Variants in ANLN observed in about 807,000 individuals in gnomAD.
ANLN encodes the protein anillin, actin binding protein.
In ANLN, 59 loss-of-function variants were observed where a neutral mutation model predicts 135.1. That is an observed-to-expected ratio of 0.44 (90% CI 0.35 to 0.54). The LOEUF (loss-of-function observed/expected upper bound fraction) is 0.54, where lower values mean the gene tolerates loss of function less well. Among genes scored for constraint, ANLN ranks in the 20% least tolerant of loss-of-function variants. The pLI is 0.00. For synonymous variants in ANLN, 406 were observed against 456.4 expected (o/e 0.89, Z 1.41); for missense variants, 1,182 against 1,340.0 (o/e 0.88, Z 1.84).
chr7:36,395,467 T>A (rs1282638329), intron 1 of ANLN, among the ~76,000 whole-genome samples: 1 of 152,202 alleles, frequency 6.6e-6, no homozygotes, highest in Admixed American at 6.5e-5. Flanking sequence ...TTTGTGATTA[T>A]GTTGGGCCTG....
Position 36,411,081 on chromosome 7 carries a change from G to A in ANLN, c.1310G>A (p.Cys437Tyr), listed in dbSNP as rs139130995. Residue 437 changes from cysteine (C) to tyrosine (Y), a missense_variant, in exon 7 of 24, where the codon TGT becomes TAT. Cys to Tyr is a radical substitution (Grantham distance 194). Transcript: ENST00000265748. Reference sequence around the variant, plus strand: ...TAGGAACGTCAAAAAGAACTAGCATGTCTTCGTGGCCGATTTGACAAGGGC... The same window carrying A: ...TAGGAACGTCAAAAAGAACTAGCATATCTTCGTGGCCGATTTGACAAGGGC... ...LKQERQKELACLRGRFDKGNI... is the reference protein window; with the variant it reads ...LKQERQKELAYLRGRFDKGNI... The A allele has an allele frequency of 3.4e-5, 55 of 1,608,338 alleles. No individual in the cohort carries two copies. Among genetic ancestry groups the A allele is most frequent in the Non-Finnish European group, 4.5e-5 (53 of 1,178,880 alleles).
intron 1 of ANLN, among the ~76,000 whole-genome samples, chr7:36,392,726 G>A (rs1786530369): frequency 6.6e-6 from 1 of 151,572 alleles, no homozygotes; most frequent in African/African-American, 2.4e-5. Flanking sequence ...CACAGATTAG[G>A]GATCTTTTTT....
In ANLN at chr7:36,449,760, A is replaced by C; in HGVS notation, c.3174A>C (p.Leu1058Phe). 1 of 1,614,134 alleles carries C rather than the reference A, an allele frequency of 6.2e-7. No homozygotes were observed. The highest frequency in any genetic ancestry group is 8.5e-7 in the Non-Finnish European group (1 of 1,180,000). Residue 1058 changes from leucine to phenylalanine, a missense_variant, in exon 23 of 24, where the codon TTA becomes TTC. Physicochemically the swap from Leu to Phe is conservative, Grantham distance 22. Coordinates refer to ENST00000265748, the MANE Select transcript of ANLN (RefSeq NM_018685.5). The stretch of plus-strand genomic sequence containing the variant: ...GTGCAAGACGCAACACTTTTGAATT[A>C]ATTACTGTCCGACCACAAAGAGAAG... ...EFCARRNTFE[L>F]ITVRPQREDD...
chr7:36,391,605 A>G (rs1786466302), intron 1 of ANLN, among the ~76,000 whole-genome samples: 1 of 152,208 alleles, frequency 6.6e-6, no homozygotes, highest in Non-Finnish European at 1.5e-5. Context: ...GTGCTTAATT[A>G]TAGCATTCAT....
chr7:36,445,796 T>G (rs888486454), intron 22 of ANLN, among the ~76,000 whole-genome samples: 1 of 152,238 alleles, frequency 6.6e-6, no homozygotes, highest in Non-Finnish European at 1.5e-5. Flanking sequence ...TTTTGTCAAA[T>G]GAGTCTCAAA....
At chr7:36,425,099 G>A (rs1191402545) in intron 17 of ANLN, among the ~76,000 whole-genome samples, 1 of 151,610 alleles carries the variant, frequency 6.6e-6, no homozygotes, top group African/African-American at 2.4e-5. Context: ...CAGGCATAAG[G>A]TTGCTTTCCA....
rs1786841218 is a variant in ANLN, at chr7:36,399,316, C to T, written c.410C>T (p.Thr137Ile). The T allele has an allele frequency of 1.2e-6, 2 of 1,614,156 alleles. No homozygotes were observed. Among genetic ancestry groups the T allele is most frequent in the East Asian group, 2.2e-5 (1 of 44,884 alleles). The change falls in exon 3 of 24, where the codon ACT becomes ATT. Residue 137 changes from threonine to isoleucine, a missense_variant. Physicochemically the swap from Thr to Ile is moderately conservative, Grantham distance 89. Around this residue, in one of 3 missense-constraint regions of ANLN, gnomAD observed 1,022 missense variants for 1,134.0 expected, o/e 0.90. Coordinates refer to ENST00000265748, the MANE Select transcript of ANLN (RefSeq NM_018685.5). The stretch of plus-strand genomic sequence containing the variant: ...GGGCTGAACTCAAGATTGGAAGCAA[C>T]TGCAGCCTCCTCAGTTAAAACACGT... ...RRGLNSRLEA[T>I]AASSVKTRMQ...
intron 20 of ANLN, among the ~76,000 whole-genome samples, chr7:36,428,089 T>C (rs1167790664): frequency 6.6e-6 from 1 of 152,226 alleles, no homozygotes; most frequent in Non-Finnish European, 1.5e-5. Context: ...AATATTAGTT[T>C]AGCCTGAAAC....
rs1365771049 is a variant in ANLN at position 36,419,337 on chromosome 7, G to A, written c.1727G>A (p.Gly576Asp). 1.9e-6 allele frequency: 3 copies of A among 1,613,986 alleles called. No homozygotes were observed. Among genetic ancestry groups the A allele is most frequent in the Non-Finnish European group, 1.7e-6 (2 of 1,180,000 alleles). The change falls in exon 10 of 24, where the codon GGT (glycine) becomes GAT (aspartate). Residue 576 changes from glycine (G) to aspartate (D), a missense_variant. This residue lies in a region of ANLN where 1,022 missense variants were observed against 1,134.0 expected (regional missense o/e 0.90). Transcript: ENST00000265748. ...NDLFSDVLEE[G>D]ELDMEKSQEE... ...CTCTTCAGTGATGTCCTAGAGGAAG[G>A]TGAACTAGATATGGAGAAGAGCCAA...
chr7:36,400,446 G>A (rs139069698), intron 3 of ANLN, among the ~76,000 whole-genome samples: 66 of 152,036 alleles, frequency 4.3e-4, no homozygotes, highest in African/African-American at 1.3e-3. Context: ...TGCGACTTCC[G>A]CCTCTCAGGT....
Position 36,420,725 on chromosome 7 carries a change from A to G in ANLN, c.2144A>G (p.Asn715Ser), listed in dbSNP as rs1348312847. Reference protein sequence around the residue: ...EKNNAFPCQVNIKQKMQELNN... With the variant: ...EKNNAFPCQVSIKQKMQELNN... Reference sequence around the variant, plus strand: ...AATAATGCCTTTCCTTGTCAAGTTAATATCAAACAGAAAATGCAGGTATGT... The same window carrying G: ...AATAATGCCTTTCCTTGTCAAGTTAGTATCAAACAGAAAATGCAGGTATGT... Residue 715 changes from asparagine (N) to serine (S), a missense_variant, in exon 12 of 24, where the codon AAT (asparagine) becomes AGT (serine). Asn to Ser is a conservative substitution (Grantham distance 46). Around this residue, in one of 3 missense-constraint regions of ANLN, gnomAD observed 1,022 missense variants for 1,134.0 expected, o/e 0.90. Transcript: ENST00000265748. 3.1e-6 allele frequency: 5 copies of G among 1,613,902 alleles called. No homozygotes were observed. The highest frequency in any genetic ancestry group is 3.4e-6 in the Non-Finnish European group (4 of 1,179,938).
rs562244433 is a variant in ANLN, at chr7:36,410,160, C to T, written c.1097-354C>T. 1.3e-3 allele frequency among the ~76,000 whole-genome samples: 201 copies of T among 152,208 alleles called. 4 individuals carry two copies. The highest frequency in any genetic ancestry group is 0.012 in the South Asian group (60 of 4,824). On this transcript the variant is annotated intron_variant, in intron 5 of 23. Transcript: ENST00000265748. ...GGAAGTTACCATGGCCAGCACACTT[C>T]GTGATGAAGGTAGATTTATTAATAT... is the stretch of plus-strand genomic sequence containing the variant.
intron 20 of ANLN, among the ~76,000 whole-genome samples, chr7:36,435,602 G>A (rs553213392): frequency 5.3e-5 from 8 of 151,954 alleles, no homozygotes; most frequent in South Asian, 4.1e-4. Context: ...GGCCGGGCGC[G>A]GTGGCTCACG....
At chr7:36,452,337 GT>G (rs1789279711) in intron 23 of ANLN, 139 bp from the exon 24 acceptor site, 2 of 1,026,736 alleles carry the variant, frequency 1.9e-6, no homozygotes, top group South Asian at 3.2e-5. Flanking sequence ...CTAAGTGGCT[GT>G]GGATTAGCAT....
At chr7:36,429,829 G>A (rs1031421140) in intron 20 of ANLN, among the ~76,000 whole-genome samples, 1 of 152,052 alleles carries the variant, frequency 6.6e-6, no homozygotes, top group Non-Finnish European at 1.5e-5. Context: ...GAATCAAAAT[G>A]TCACATTTAC....
At chr7:36,439,027 A>T (rs779905312) in intron 20 of ANLN, among the ~76,000 whole-genome samples, 177 bp from the exon 21 acceptor site, 1 of 152,204 alleles carries the variant, frequency 6.6e-6, no homozygotes, top group South Asian at 2.1e-4. Flanking sequence ...TTTATTCTTC[A>T]AAAGTATTTG....
At chr7:36,403,073 C>T (rs908103965) in intron 3 of ANLN, among the ~76,000 whole-genome samples, 5 of 152,126 alleles carry the variant, frequency 3.3e-5, no homozygotes, top group African/African-American at 1.2e-4. Context: ...GCCGAGATCG[C>T]GCCATTACAT....
intron 5 of ANLN, among the ~76,000 whole-genome samples, chr7:36,408,347 A>G (rs1193804514): frequency 6.6e-6 from 1 of 152,206 alleles, no homozygotes; most frequent in African/African-American, 2.4e-5. Flanking sequence ...AGGCACCTCT[A>G]ATAGCAGAGG....
intron 23 of ANLN, among the ~76,000 whole-genome samples, chr7:36,450,751 C>A (rs142844879): frequency 4.2e-4 from 64 of 152,284 alleles, no homozygotes; most frequent in African/African-American, 1.3e-3. Flanking sequence ...GATTTCTAAT[C>A]ATTTTGTTTG....
Sources: allele counts gnomAD v4.1 joint callset (sites outside exome capture counted in the v4.1 genomes callset), GRCh38; gene constraint gnomAD v4.1.1; regional missense constraint gnomAD v4.1.1; transcripts MANE v1.5; gene names NCBI Gene and HGNC (gene_info 2026-07-23, HGNC 2026-07-21).